The following BLTP3B variants were observed in gnomAD, a reference collection of about 807,000 sequenced individuals.
BLTP3B encodes UHRF1 (ICBP90) binding protein 1-like.
the BLTP3B span, chr12:100,060,116 A>C: frequency 8.5e-7 from 1 of 1,170,494 alleles, no homozygotes; most frequent in South Asian, 2.0e-5. Context: ...CAAAAAATAC[A>C]TGTTTAGTCA....
chr12:100,050,429 A>G, the BLTP3B span: 10 of 971,838 alleles, frequency 1.0e-5, no homozygotes, highest in African/African-American at 1.7e-4. Flanking sequence ...GTGACCTACC[A>G]GACCAAAAGT....
the BLTP3B span, among the ~76,000 whole-genome samples, chr12:100,057,222 A>C: frequency 1.3e-5 from 2 of 152,208 alleles, no homozygotes; most frequent in East Asian, 3.8e-4. Flanking sequence ...GACTGCATAC[A>C]TATAATTGCT....
At chr12:100,056,601 G>A in the BLTP3B span, among the ~76,000 whole-genome samples, 2 of 151,862 alleles carry the variant, frequency 1.3e-5, no homozygotes, top group Non-Finnish European at 2.9e-5. Flanking sequence ...ATTTTGGGAC[G>A]CCGAGGTGCA....
chr12:100,141,369 T>A, the BLTP3B span, among the ~76,000 whole-genome samples: 1 of 151,812 alleles, frequency 6.6e-6, no homozygotes, highest in East Asian at 1.9e-4. Context: ...TACACATATA[T>A]ATGTAGTACA....
the BLTP3B span, among the ~76,000 whole-genome samples, chr12:100,047,222 G>T: frequency 2.0e-5 from 3 of 152,290 alleles, no homozygotes; most frequent in African/African-American, 7.2e-5. Context: ...CATCGGCTGG[G>T]CGAGGTGGCT....
At chr12:100,084,133 G>A in the BLTP3B span, among the ~76,000 whole-genome samples, 2 of 148,894 alleles carry the variant, frequency 1.3e-5, no homozygotes, top group African/African-American at 5.0e-5. Flanking sequence ...AGGTTGCAGT[G>A]AGCCGAGATC....
chr12:100,120,803 G>C, the BLTP3B span, among the ~76,000 whole-genome samples: 1 of 152,148 alleles, frequency 6.6e-6, no homozygotes, highest in Non-Finnish European at 1.5e-5. Context: ...AAGAGAGAGA[G>C]AGAGAGAGAG....
At chr12:100,130,978 GGAGGGAGAGAGAGAGA>G in the BLTP3B span, among the ~76,000 whole-genome samples, 3 of 31,138 alleles carry the variant, frequency 9.6e-5, 1 homozygote, top group African/African-American at 1.7e-4. Flanking sequence ...AGAGAGAGAG[GGAGGGAGAGAGAGAGA>G]GAGAGAGAGA....
At chr12:100,107,689 A>G in the BLTP3B span, among the ~76,000 whole-genome samples, 8 of 152,030 alleles carry the variant, frequency 5.3e-5, no homozygotes, top group Non-Finnish European at 1.2e-4. Flanking sequence ...TAAAACTGCA[A>G]ATTTATTAGT....
At chr12:100,136,790 GCTTTT>G in the BLTP3B span, among the ~76,000 whole-genome samples, 1 of 149,896 alleles carries the variant, frequency 6.7e-6, no homozygotes, top group Admixed American at 6.7e-5. Context: ...ATATCAGATA[GCTTTT>G]CTTTTCTTTT....
the BLTP3B span, among the ~76,000 whole-genome samples, chr12:100,071,107 TAAC>T: frequency 5.3e-5 from 8 of 152,284 alleles, no homozygotes; most frequent in Admixed American, 3.3e-4. Context: ...ATGCCTCTGA[TAAC>T]AAAACCTATT....
At chr12:100,037,860 C>T in the BLTP3B span, 2 of 1,030,624 alleles carry the variant, frequency 1.9e-6, no homozygotes, top group Non-Finnish European at 2.7e-6. Context: ...GTAAAAATGC[C>T]CATTGCTGGT....
At chr12:100,040,278 C>T in the BLTP3B span, among the ~76,000 whole-genome samples, 3 of 152,182 alleles carry the variant, frequency 2.0e-5, no homozygotes, top group Non-Finnish European at 4.4e-5. Flanking sequence ...TGTCTGTAAT[C>T]CCAGCACTTT....
At chr12:100,093,909 T>C in the BLTP3B span, among the ~76,000 whole-genome samples, 2 of 152,202 alleles carry the variant, frequency 1.3e-5, no homozygotes, top group African/African-American at 4.8e-5. Context: ...TTCTATTGTC[T>C]CTTCTGAAAT....
At chr12:100,048,103 A>G in the BLTP3B span, 1 of 1,613,156 alleles carries the variant, frequency 6.2e-7, no homozygotes. Context: ...TTTTTCTGCA[A>G]GTAAAGAGTG....
chr12:100,102,930 T>G, the BLTP3B span: 1 of 936,686 alleles, frequency 1.1e-6, no homozygotes, highest in Admixed American at 3.5e-5. Context: ...TATTTAAGAT[T>G]ATTTTCTCTT....
the BLTP3B span, chr12:100,108,297 TTAAG>T: frequency 3.7e-6 from 5 of 1,339,556 alleles, no homozygotes; most frequent in Non-Finnish European, 5.1e-6. Flanking sequence ...TTATCTAAAA[TTAAG>T]TATTTTAAAA....
At chr12:100,101,788 G>A in the BLTP3B span, among the ~76,000 whole-genome samples, 1 of 152,150 alleles carries the variant, frequency 6.6e-6, no homozygotes, top group Non-Finnish European at 1.5e-5. Context: ...CAAAAGGTCT[G>A]TAATTTAAGG....
At chr12:100,074,593 CAAAA>C in the BLTP3B span, among the ~76,000 whole-genome samples, 1 of 69,646 alleles carries the variant, frequency 1.4e-5, no homozygotes, top group African/African-American at 5.1e-5. Flanking sequence ...GACTCTGTTT[CAAAA>C]AAAAAAAAAA....
Sources: gnomAD v4.1 joint callset for allele counts (sites outside exome capture counted in the v4.1 genomes callset) on GRCh38, gnomAD v4.1.1 for gene constraint, MANE v1.5 for transcripts, NCBI Gene and HGNC (gene_info 2026-07-23, HGNC 2026-07-21) for gene names.